The following FOXN4 variants were observed in gnomAD, a reference collection of about 807,000 sequenced individuals.
The protein encoded by FOXN4 is forkhead box N4, also known as forkhead box protein N4.
Under a neutral mutation model 45.0 loss-of-function variants are expected in FOXN4, and 12 were observed. That is an observed-to-expected ratio of 0.27 (90% CI 0.17 to 0.43). The LOEUF is 0.43. Ranked by LOEUF, FOXN4 falls within the 20% of genes least tolerant of loss-of-function variation. The probability of loss-of-function intolerance (pLI) is 1.00; values close to 1 mark genes in which losing one functional copy is unlikely to be tolerated. For missense variants in FOXN4, 560 were observed against 694.9 expected (o/e 0.81, Z 2.18); for synonymous variants, 297 against 295.0 (o/e 1.01, Z -0.07).
chr12:109,289,822 C>T (rs1262718922), intron 3 of FOXN4, among the ~76,000 whole-genome samples: 2 of 152,178 alleles, frequency 1.3e-5, no homozygotes, highest in Admixed American at 1.3e-4. Flanking sequence ...AAAGGCTGTA[C>T]AAAAACAGGT....
rs2047739814 is a variant in FOXN4 at position 109,288,776 on chromosome 12, G to A, written c.233-596C>T. Among the ~76,000 whole-genome samples the A allele has an allele frequency of 6.6e-6, 1 of 152,128 alleles. No homozygotes were observed. The highest frequency in any genetic ancestry group is 1.5e-5 in the Non-Finnish European group (1 of 68,016). ...TTCTTACTGCTCTAGCCTGATTTTA[G>A]GCAGCCACCTCCAATCAAGCAAAGT... On this transcript the variant is annotated intron_variant, in intron 3 of 9. Transcript: ENST00000299162. The surrounding 1 kb of genome is among the most constrained non-coding windows in gnomAD (Gnocchi z 4.3).
At chr12:109,280,377 G>A (rs1210464825) in intron 9 of FOXN4, among the ~76,000 whole-genome samples, 1 of 149,372 alleles carries the variant, frequency 6.7e-6, no homozygotes, top group Non-Finnish European at 1.5e-5. Context: ...GCATGGAAGG[G>A]CCAGAGTCGC....
intron 2 of FOXN4, among the ~76,000 whole-genome samples, chr12:109,298,224 GC>G (rs1191129163): frequency 2.6e-5 from 4 of 151,918 alleles, no homozygotes. Context: ...AAAGTTGTGA[GC>G]CCCCCGTCCC....
chr12:109,305,290 G>T (rs2047911160), intron 2 of FOXN4, among the ~76,000 whole-genome samples: 1 of 152,180 alleles, frequency 6.6e-6, no homozygotes, highest in Admixed American at 6.5e-5. Context: ...GGGATTTGAT[G>T]GGATTTGACG....
Position 109,279,597 on chromosome 12 carries a change from T to C in FOXN4, c.*74A>G. The C allele has an allele frequency of 2.0e-6, 3 of 1,533,624 alleles. No homozygotes were observed. Among genetic ancestry groups the C allele is most frequent in the South Asian group, 1.2e-5 (1 of 82,716 alleles). On this transcript the variant is annotated 3_prime_UTR_variant, in exon 10 of 10. Transcript: ENST00000299162. ...CGGGGACAATGAGGGACCTGCCTTC[T>C]GGGAACACCCTGTTCTAGTCAGTTC... is the stretch of plus-strand genomic sequence containing the variant.
intron 8 of FOXN4, among the ~76,000 whole-genome samples, chr12:109,283,538 T>A (rs1259412144): frequency 2.0e-5 from 3 of 151,284 alleles, no homozygotes; most frequent in Non-Finnish European, 4.4e-5. Context: ...TACAGTGGCT[T>A]GATCTCGGGT....
rs1044018130 is a variant in FOXN4 at position 109,287,937 on chromosome 12, C to A, written c.375G>T (p.Val125=). The change falls in exon 5 of 10, where the codon GTG becomes GTT. Residue 125 remains valine (V), a synonymous_variant. Transcript: ENST00000299162. This position sits in a 1 kb window ranked among gnomAD's most constrained non-coding sequence, Gnocchi z 4.1. ...GHRDSMSQFP[V]GGQPSSGLQD... ...GCAGGCCAGATGAGGGCTGGCCCCC[C>A]ACGGGGAACTGGCTCATCTGCTGGG... is the stretch of plus-strand genomic sequence containing the variant. 9 of 1,549,858 alleles carry A rather than the reference C, an allele frequency of 5.8e-6. No homozygotes were observed. Among genetic ancestry groups the A allele is most frequent in the South Asian group, 2.4e-5 (2 of 84,040 alleles).
At chr12:109,298,545 TAGAG>T (rs200895709) in intron 2 of FOXN4, among the ~76,000 whole-genome samples, 5 of 151,974 alleles carry the variant, frequency 3.3e-5, no homozygotes, top group African/African-American at 1.2e-4. Context: ...GCATTTTTAG[TAGAG>T]AGAGAGTTTC....
chr12:109,280,370 T>C (rs990085382), intron 9 of FOXN4, among the ~76,000 whole-genome samples: 2 of 138,420 alleles, frequency 1.4e-5, no homozygotes, highest in African/African-American at 5.4e-5. Flanking sequence ...AAAAAAAGCA[T>C]GGAAGGGCCA....
At position 109,299,536 on chromosome 12, in the gene FOXN4, G is replaced by A. The variant is rs188733269; in HGVS notation, c.86+8700C>T. On this transcript the variant is annotated intron_variant, in intron 2 of 9. Coordinates refer to ENST00000299162, the MANE Select transcript of FOXN4 (RefSeq NM_213596.3). The stretch of plus-strand genomic sequence containing the variant: ...AATCCCCAAGCTTCAGCAGCCCCAG[G>A]TAGCTGCTTCAGCACCTCCCTCCTT... 3.8e-3 allele frequency among the ~76,000 whole-genome samples: 577 copies of A among 152,232 alleles called. 3 individuals carry two copies. The highest frequency in any genetic ancestry group is 0.014 in the Middle Eastern group (4 of 294).
At chr12:109,284,470 T>C (rs189590158) in intron 8 of FOXN4, among the ~76,000 whole-genome samples, 12 of 132,724 alleles carry the variant, frequency 9.0e-5, no homozygotes, top group African/African-American at 3.9e-4. Flanking sequence ...TGTGTGCGTG[T>C]GCGCACACAC....
chr12:109,281,382 C>T, intron 9 of FOXN4, 25 bp downstream of exon 9: 1 of 1,611,140 alleles, frequency 6.2e-7, no homozygotes. Flanking sequence ...ATTCCATTCC[C>T]ATCACTCCAT....
chr12:109,296,940 C>T (rs994185223), intron 2 of FOXN4, among the ~76,000 whole-genome samples: 4 of 152,238 alleles, frequency 2.6e-5, no homozygotes, highest in Non-Finnish European at 4.4e-5. Context: ...TTGCAAGAGC[C>T]TGATCAGGCA....
chr12:109,298,487 G>A (rs145227116), intron 2 of FOXN4, among the ~76,000 whole-genome samples: 3 of 152,088 alleles, frequency 2.0e-5, no homozygotes, highest in African/African-American at 7.2e-5. Flanking sequence ...TCAGCCGCCT[G>A]AGTAGTTGGA....
In FOXN4 at chr12:109,281,395, C is replaced by T. The variant is rs1405821684; in HGVS notation, c.1294+12G>A. On this transcript the variant is annotated intron_variant, in intron 9 of 9. Transcript: ENST00000299162. Reference sequence around the variant, plus strand: ...CCATTCCATTCCCATCACTCCATTCCTCCAGCCTCACCCTGCAGAGCGAAG... The same window carrying T: ...CCATTCCATTCCCATCACTCCATTCTTCCAGCCTCACCCTGCAGAGCGAAG... 1.2e-6 allele frequency: 2 copies of T among 1,613,244 alleles called. No homozygotes were observed. The highest frequency in any genetic ancestry group is 1.7e-6 in the Non-Finnish European group (2 of 1,179,566).
intron 6 of FOXN4, 48 bp from the exon 7 acceptor site, chr12:109,286,792 G>T: frequency 1.3e-6 from 2 of 1,565,772 alleles, no homozygotes; most frequent in East Asian, 4.6e-5. Context: ...GACAGGGCAG[G>T]CCAGGCATGA....
chr12:109,300,303 T>A (rs2047858006), intron 2 of FOXN4, among the ~76,000 whole-genome samples: 1 of 152,156 alleles, frequency 6.6e-6, no homozygotes, highest in South Asian at 2.1e-4. Flanking sequence ...AGGAGATAAC[T>A]TTCTGATTGA....
intron 2 of FOXN4, among the ~76,000 whole-genome samples, chr12:109,302,801 C>A (rs571623640): frequency 5.9e-5 from 9 of 152,312 alleles, no homozygotes; most frequent in African/African-American, 1.7e-4. Flanking sequence ...CAACTCCGCC[C>A]TGATTACAAC....
chr12:109,308,903 G>T (rs2047943615), intron 1 of FOXN4, among the ~76,000 whole-genome samples: 2 of 152,140 alleles, frequency 1.3e-5, no homozygotes, highest in African/African-American at 4.8e-5. Context: ...AAATATTTGA[G>T]TTCCCTAAGT....
Sources: allele counts gnomAD v4.1 joint callset (sites outside exome capture counted in the v4.1 genomes callset), GRCh38; gene constraint gnomAD v4.1.1; non-coding constraint Gnocchi (gnomAD v3.1); transcripts MANE v1.5; gene names NCBI Gene and HGNC (gene_info 2026-07-23, HGNC 2026-07-21).